Variants in CD82 observed in about 807,000 individuals in gnomAD.
CD82 encodes CD82 antigen.
Under a neutral mutation model 37.4 loss-of-function variants are expected in CD82, and 36 were observed. The ratio of observed to expected loss-of-function variants is 0.96; its 90% CI spans 0.74 to 1.27. CD82 has a LOEUF of 1.27. CD82 is among the 50% of genes most tolerant of loss of function. The pLI is 0.00. For missense variants in CD82, 340 were observed against 347.0 expected (o/e 0.98, Z 0.16); for synonymous variants, 158 against 137.4 (o/e 1.15, Z -1.05).
At chr11:44,592,461 G>C (rs1428436558) in intron 2 of CD82, among the ~76,000 whole-genome samples, 4 of 152,222 alleles carry the variant, frequency 2.6e-5, no homozygotes, top group Admixed American at 2.6e-4. Flanking sequence ...ACCTGGTCAG[G>C]CTGAAACACA....
chr11:44,603,400 G>A (rs751696151), intron 4 of CD82, among the ~76,000 whole-genome samples: 37 of 152,148 alleles, frequency 2.4e-4, no homozygotes, highest in African/African-American at 8.2e-4. Flanking sequence ...TGGGGACCTC[G>A]GCCTCTCCAG....
rs1399475245 is a variant in CD82, at chr11:44,597,183, G to A, written c.63+2458G>A. 6.6e-6 allele frequency among the ~76,000 whole-genome samples: 1 copy of A among 152,228 alleles called. No individual in the cohort carries two copies. Among genetic ancestry groups the A allele is most frequent in the African/African-American group, 2.4e-5 (1 of 41,450 alleles). On this transcript the variant is annotated intron_variant, in intron 3 of 9. Coordinates refer to ENST00000227155, the MANE Select transcript of CD82 (RefSeq NM_002231.4). This position sits in a 1 kb window ranked among gnomAD's most constrained non-coding sequence, Gnocchi z 4.1. Reference sequence around the variant, plus strand: ...TGTGTGCTCGCGCCTGCGTGCATGTGCACCTGTATGTCTTTGCCTGTACTC... The same window carrying A: ...TGTGTGCTCGCGCCTGCGTGCATGTACACCTGTATGTCTTTGCCTGTACTC...
At chr11:44,601,115 A>G (rs953919893) in intron 4 of CD82, among the ~76,000 whole-genome samples, 3 of 152,114 alleles carry the variant, frequency 2.0e-5, no homozygotes, top group Non-Finnish European at 4.4e-5. Flanking sequence ...AGGGAGGCAC[A>G]GCGGAAGCCC....
intron 4 of CD82, 121 bp from the exon 5 acceptor site, chr11:44,604,937 G>C: frequency 7.3e-7 from 1 of 1,379,090 alleles, no homozygotes; most frequent in South Asian, 1.2e-5. Flanking sequence ...AGCCAGCAGG[G>C]GAATGCAGCT....
At chr11:44,584,437 C>G (rs1249462533) in intron 1 of CD82, among the ~76,000 whole-genome samples, 1 of 152,178 alleles carries the variant, frequency 6.6e-6, no homozygotes, top group African/African-American at 2.4e-5. Flanking sequence ...CAGGCACCCG[C>G]CACCATGCCC....
chr11:44,618,388 G>A (rs746705611), intron 8 of CD82, 23 bp downstream of exon 8: 1 of 1,604,054 alleles, frequency 6.2e-7, no homozygotes. Context: ...CTGCGGATCG[G>A]GGGCGGGGCT....
rs1590340417 is a variant in CD82 at position 44,597,349 on chromosome 11, T to C, written c.63+2624T>C. ...GCTCCTGATGGGTCCCATCTGGGGA[T>C]TGGGGAAGGGCTGGGGGAGTGATTA... On this transcript the variant is annotated intron_variant, in intron 3 of 9. Transcript: ENST00000227155. This position sits in a 1 kb window ranked among gnomAD's most constrained non-coding sequence, Gnocchi z 4.1. Among the ~76,000 whole-genome samples, 1 of 126,804 alleles carries C rather than the reference T, an allele frequency of 7.9e-6. No homozygotes were observed. The highest frequency in any genetic ancestry group is 1.7e-5 in the Non-Finnish European group (1 of 59,402). 83.2% of individuals were successfully genotyped at this position (126,804 alleles called of 152,430 possible).
At chr11:44,591,162 GC>G (rs1853139951) in intron 2 of CD82, among the ~76,000 whole-genome samples, 1 of 152,172 alleles carries the variant, frequency 6.6e-6, no homozygotes, top group South Asian at 2.1e-4. Flanking sequence ...TGACTGGGCT[GC>G]CTGGCTCTCA....
chr11:44,605,467 C>G (rs1204831030), intron 6 of CD82, 38 bp downstream of exon 6: 1 of 1,577,932 alleles, frequency 6.3e-7, no homozygotes. Context: ...CTGGGCTGGA[C>G]CAACCATGGG....
At chr11:44,599,501 C>T (rs1053706459) in intron 3 of CD82, among the ~76,000 whole-genome samples, 1 of 152,268 alleles carries the variant, frequency 6.6e-6, no homozygotes, top group East Asian at 1.9e-4. Flanking sequence ...ATTCATTCCC[C>T]CAGCCACTTA....
intron 3 of CD82, among the ~76,000 whole-genome samples, chr11:44,598,598 C>T (rs970047516): frequency 6.6e-5 from 10 of 151,806 alleles, no homozygotes; most frequent in East Asian, 3.9e-4. Context: ...TTAGTGCAGA[C>T]GGGGTTTTGC....
At position 44,618,371 on chromosome 11, in the gene CD82, C is replaced by CG. The variant is rs770456768; in HGVS notation, c.642+12dup. The CG allele has an allele frequency of 8.1e-5, 131 of 1,610,850 alleles. 2 individuals are homozygous for CG. The highest frequency in any genetic ancestry group is 6.6e-4 in the South Asian group (60 of 90,988). On this transcript the variant is annotated splice_region_variant and intron_variant, in intron 8 of 9. Coordinates refer to ENST00000227155, the MANE Select transcript of CD82 (RefSeq NM_002231.4). Reference sequence around the variant, plus strand: ...ACTGGCCTGTGTACCAGGAGGTGTGCGGGGGGCTGCGGATCGGGGGCGGGG... The same window carrying CG: ...ACTGGCCTGTGTACCAGGAGGTGTGCGGGGGGGCTGCGGATCGGGGGCGGGG...
rs1164076360 is a variant in CD82 at position 44,597,922 on chromosome 11, C to T, written c.64-2236C>T. ...CCCCAGCTGTGCAAATTAAGGTGGACCCACCTTCCAGCAGACTCTTCTCCT... is the reference window on the plus strand; with the variant it reads ...CCCCAGCTGTGCAAATTAAGGTGGATCCACCTTCCAGCAGACTCTTCTCCT... On this transcript the variant is annotated intron_variant, in intron 3 of 9. Coordinates refer to ENST00000227155, the MANE Select transcript of CD82 (RefSeq NM_002231.4). This position sits in a 1 kb window ranked among gnomAD's most constrained non-coding sequence, Gnocchi z 4.1. 6.6e-6 allele frequency among the ~76,000 whole-genome samples: 1 copy of T among 152,186 alleles called. No individual in the cohort carries two copies. Among genetic ancestry groups the T allele is most frequent in the Non-Finnish European group, 1.5e-5 (1 of 68,034 alleles).
intron 4 of CD82, among the ~76,000 whole-genome samples, chr11:44,600,495 T>TG (rs1278041065): frequency 6.6e-6 from 1 of 152,226 alleles, no homozygotes; most frequent in Non-Finnish European, 1.5e-5. Context: ...TTTCCCTTCC[T>TG]GGCCCCTTCC....
At chr11:44,607,129 A>C (rs982669537) in intron 6 of CD82, among the ~76,000 whole-genome samples, 8 of 152,254 alleles carry the variant, frequency 5.3e-5, no homozygotes, top group African/African-American at 1.7e-4. Flanking sequence ...TCACCACTTG[A>C]AGGTCAAGTT....
intron 1 of CD82, chr11:44,585,129 T>C (rs1853034877): frequency 4.4e-6 from 2 of 452,798 alleles, no homozygotes; most frequent in African/African-American, 2.0e-5. Context: ...AGCCTGGTCC[T>C]ACTTCTCCCC....
At chr11:44,571,865 C>T (rs528656364) in intron 1 of CD82, among the ~76,000 whole-genome samples, 3 of 152,270 alleles carry the variant, frequency 2.0e-5, no homozygotes, top group South Asian at 4.2e-4. Context: ...CTACTGTGCT[C>T]GGTGTTTTTG....
chr11:44,568,531 A>G (rs77759039), intron 1 of CD82, among the ~76,000 whole-genome samples: 6,974 of 125,878 alleles, frequency 0.055, 196 homozygotes, highest in Admixed American at 0.077. Context: ...CGGGGGCGGG[A>G]TGGTTAGAAG....
At chr11:44,569,858 C>T (rs1265864333) in intron 1 of CD82, among the ~76,000 whole-genome samples, 3 of 152,186 alleles carry the variant, frequency 2.0e-5, no homozygotes, top group Admixed American at 1.3e-4. Flanking sequence ...TTCTGAGCCT[C>T]AGTTTTTGAA....
Sources: allele counts gnomAD v4.1 joint callset (sites outside exome capture counted in the v4.1 genomes callset), GRCh38; gene constraint gnomAD v4.1.1; non-coding constraint Gnocchi (gnomAD v3.1); transcripts MANE v1.5; gene names NCBI Gene and HGNC (gene_info 2026-07-23, HGNC 2026-07-21).